WDR27: variants seen among roughly 807,000 people sequenced by gnomAD.
WDR27 encodes the protein WD repeat domain 27, also known as WD repeat-containing protein 27.
Under a neutral mutation model 114.4 loss-of-function variants are expected in WDR27, and 100 were observed. The observed-to-expected ratio is 0.87, with a 90% CI of 0.74 to 1.03. WDR27 has a LOEUF of 1.03. WDR27 is among the 50% of genes least tolerant of loss of function. The probability of loss-of-function intolerance (pLI) is 0.00; values close to 1 mark genes in which losing one functional copy is unlikely to be tolerated. For missense variants in WDR27, 1,129 were observed against 1,092.9 expected (o/e 1.03, Z -0.47); for synonymous variants, 449 against 423.1 (o/e 1.06, Z -0.75).
In WDR27 at chr6:169,660,735, TCC is replaced by T. The variant is rs766124229; in HGVS notation, c.1055_1056del (p.Trp352TyrfsTer11). 75 of 1,613,778 alleles carry T rather than the reference TCC, an allele frequency of 4.6e-5. No homozygotes were observed. The highest frequency in any genetic ancestry group is 5.9e-5 in the Non-Finnish European group (70 of 1,179,874). ...ACGAATAAGCCCACTGAGCTTCCGA[TCC>T]ACACACATCGGGTGTTCTCAGAAGA... ...CLSSENTRCV[W>X]IGSSVGLFVF... On this transcript the variant is annotated frameshift_variant, in exon 10 of 26. Transcript: ENST00000448612. LOFTEE classifies it high-confidence loss of function.
At chr6:169,583,794 T>C (rs930175474) in intron 23 of WDR27, among the ~76,000 whole-genome samples, 15 of 152,082 alleles carry the variant, frequency 9.9e-5, no homozygotes, top group African/African-American at 3.4e-4. Flanking sequence ...GTATTGTGTA[T>C]ATTTGAAGTT....
At chr6:169,473,533 G>A (rs914826342) in intron 25 of WDR27, among the ~76,000 whole-genome samples, 2 of 152,148 alleles carry the variant, frequency 1.3e-5, no homozygotes, top group Non-Finnish European at 2.9e-5. Context: ...TCTTCAGTGA[G>A]AAAGAAAAGG....
At chr6:169,500,657 G>A (rs964528083) in intron 25 of WDR27, among the ~76,000 whole-genome samples, 2 of 152,144 alleles carry the variant, frequency 1.3e-5, no homozygotes. Flanking sequence ...AGGTATGGCT[G>A]CCCAGTGCTA....
intron 24 of WDR27, among the ~76,000 whole-genome samples, chr6:169,581,267 T>C (rs1285497616): frequency 6.6e-6 from 1 of 152,122 alleles, no homozygotes. Context: ...TGCCAAATAC[T>C]GAAGTGTCAG....
At chr6:169,469,822 T>A (rs545204907) in intron 25 of WDR27, among the ~76,000 whole-genome samples, 3 of 152,222 alleles carry the variant, frequency 2.0e-5, no homozygotes, top group Admixed American at 2.0e-4. Flanking sequence ...CCCATCTCTA[T>A]TCCCAGCATC....
intron 21 of WDR27, among the ~76,000 whole-genome samples, chr6:169,621,282 ACAC>A (rs1813081234): frequency 6.6e-6 from 1 of 151,978 alleles, no homozygotes; most frequent in Non-Finnish European, 1.5e-5. Flanking sequence ...ACACACACAC[ACAC>A]ATGCACGCAC....
chr6:169,443,606 G>C, the WDR27 span, among the ~76,000 whole-genome samples: 1 of 152,156 alleles, frequency 6.6e-6, no homozygotes, highest in Non-Finnish European at 1.5e-5. Context: ...GGAAATACTA[G>C]AGCTAAGCCA....
At chr6:169,485,460 G>A (rs1020063838) in intron 25 of WDR27, among the ~76,000 whole-genome samples, 4 of 152,166 alleles carry the variant, frequency 2.6e-5, no homozygotes, top group Admixed American at 2.6e-4. Context: ...ATCACAATGA[G>A]ATACCATCTC....
chr6:169,519,104 A>G (rs192028300), intron 25 of WDR27, among the ~76,000 whole-genome samples: 1 of 152,312 alleles, frequency 6.6e-6, no homozygotes, highest in East Asian at 1.9e-4. Flanking sequence ...ATCAGCCTTC[A>G]CTGTCCATAG....
chr6:169,637,464 CGT>C (rs1339615388), intron 18 of WDR27, among the ~76,000 whole-genome samples: 6 of 152,168 alleles, frequency 3.9e-5, no homozygotes, highest in South Asian at 2.1e-4. Flanking sequence ...CATCTATCTG[CGT>C]GTGTGCCTAT....
the WDR27 span, among the ~76,000 whole-genome samples, chr6:169,435,138 G>A: frequency 6.6e-6 from 1 of 152,212 alleles, no homozygotes; most frequent in African/African-American, 2.4e-5. Flanking sequence ...TCCACATGGT[G>A]TTGAACCTGA....
rs1419338416 is a variant in WDR27 at position 169,644,900 on chromosome 6, T to A, written c.1658-1114A>T. ...GGCGGGCGCCTGTAGTCCCAGCTAC[T>A]TGGGAGGCTGAGGCAGGAGAATGGC... On this transcript the variant is annotated intron_variant, in intron 16 of 25. Coordinates refer to ENST00000448612, the MANE Select transcript of WDR27 (RefSeq NM_182552.5). Among the ~76,000 whole-genome samples the A allele has an allele frequency of 4.0e-5, 4 of 99,334 alleles. 2 individuals are homozygous for A. The highest frequency in any genetic ancestry group is 7.5e-5 in the Non-Finnish European group (4 of 53,308). 65.2% of individuals were successfully genotyped at this position (99,334 alleles called of 152,430 possible). A position where few individuals can be genotyped will look rare whatever the true frequency, so the allele number is the denominator to read the frequency against.
At chr6:169,503,293 G>A (rs984362972) in intron 25 of WDR27, among the ~76,000 whole-genome samples, 5 of 152,172 alleles carry the variant, frequency 3.3e-5, no homozygotes, top group African/African-American at 9.6e-5. Flanking sequence ...TTTGGAGACT[G>A]TGCAGCCATG....
intron 25 of WDR27, among the ~76,000 whole-genome samples, chr6:169,463,441 C>T (rs1486579984): frequency 2.0e-5 from 3 of 152,160 alleles, no homozygotes; most frequent in Non-Finnish European, 4.4e-5. Context: ...TCATTATACT[C>T]GATGGTGAAA....
chr6:169,533,454 C>A (rs1264849658), intron 25 of WDR27, among the ~76,000 whole-genome samples: 1 of 152,150 alleles, frequency 6.6e-6, no homozygotes, highest in African/African-American at 2.4e-5. Context: ...GAATGTATTT[C>A]CTGAGAAAGA....
At position 169,573,021 on chromosome 6, in the gene WDR27, G is replaced by A. The variant is rs565253846; in HGVS notation, c.2524-481C>T. ...GCATACCAGCCCCCAAAACAGAGCC[G>A]TCCCCACGCCACCCTGCAGACCTTC... On this transcript the variant is annotated intron_variant, in intron 24 of 25. Transcript: ENST00000448612. Among the ~76,000 whole-genome samples the A allele has an allele frequency of 1.5e-4, 16 of 109,538 alleles. No homozygotes were observed. In the South Asian group the frequency reaches 2.8e-3, roughly 19 times the overall value. The allele number at this position is 109,538 out of a possible 152,430, so 71.9% of individuals were successfully genotyped here.
chr6:169,663,285 G>GT (rs1826841717), intron 8 of WDR27, among the ~76,000 whole-genome samples: 1 of 151,856 alleles, frequency 6.6e-6, no homozygotes, highest in Non-Finnish European at 1.5e-5. Flanking sequence ...TAAAACATCA[G>GT]GAAAAAATTG....
At chr6:169,696,845 C>T (rs921258931) in intron 1 of WDR27, among the ~76,000 whole-genome samples, 3 of 152,168 alleles carry the variant, frequency 2.0e-5, no homozygotes, top group African/African-American at 4.8e-5. Flanking sequence ...ACCCGGGAGG[C>T]GGAGGTTGTT....
chr6:169,491,514 A>G (rs1392675225), intron 25 of WDR27, among the ~76,000 whole-genome samples: 1 of 151,986 alleles, frequency 6.6e-6, no homozygotes, highest in Non-Finnish European at 1.5e-5. Context: ...AAAATATAAG[A>G]GAAGAAATAA....
Sources: gnomAD v4.1 joint callset for allele counts (sites outside exome capture counted in the v4.1 genomes callset) on GRCh38, gnomAD v4.1.1 for gene constraint, MANE v1.5 for transcripts, NCBI Gene and HGNC (gene_info 2026-07-23, HGNC 2026-07-21) for gene names.